The following EYS variants were observed in gnomAD, a reference collection of about 807,000 sequenced individuals.
The protein encoded by EYS is EGF-like photoreceptor maintenance factor.
In EYS, 250 loss-of-function variants were observed where a neutral mutation model predicts 282.1. The observed-to-expected ratio is 0.89, with a 90% CI of 0.80 to 0.98. EYS has a LOEUF of 0.98. Among genes scored for constraint, EYS ranks in the 50% least tolerant of loss-of-function variants. The probability of loss-of-function intolerance (pLI) is 0.00; values close to 1 mark genes in which losing one functional copy is unlikely to be tolerated. For missense variants in EYS, 4,016 were observed against 3,709.0 expected (o/e 1.08, Z -2.15); for synonymous variants, 1,355 against 1,282.9 (o/e 1.06, Z -1.20).
chr6:65,484,029 A>G (rs1765700682), intron 5 of EYS, among the ~76,000 whole-genome samples: 1 of 152,106 alleles, frequency 6.6e-6, no homozygotes, highest in Admixed American at 6.6e-5. Flanking sequence ...TTGGGTGGGG[A>G]CACAGTCAAG....
chr6:63,949,612 A>G (rs1369503163), intron 35 of EYS, among the ~76,000 whole-genome samples: 1 of 152,162 alleles, frequency 6.6e-6, no homozygotes, highest in Admixed American at 6.5e-5. Context: ...CCATTTGTAT[A>G]ACTGTCTGCT....
chr6:64,404,530 A>T (rs1269112570), intron 28 of EYS, among the ~76,000 whole-genome samples: 4 of 152,062 alleles, frequency 2.6e-5, no homozygotes, highest in Non-Finnish European at 4.4e-5. Context: ...TTTACTTTTT[A>T]TTTCTCAGAT....
chr6:64,794,624 G>A (rs779857216), intron 22 of EYS, among the ~76,000 whole-genome samples: 1 of 152,112 alleles, frequency 6.6e-6, no homozygotes, highest in Admixed American at 6.5e-5. Flanking sequence ...TCTCTGGTAT[G>A]TCTTCATAGT....
chr6:64,257,321 G>C (rs1767434415), intron 30 of EYS, among the ~76,000 whole-genome samples: 1 of 151,986 alleles, frequency 6.6e-6, no homozygotes, highest in African/African-American at 2.4e-5. Context: ...AAATGTCACT[G>C]TCCACAGAAT....
At chr6:63,823,661 G>T (rs1771381852) in intron 36 of EYS, among the ~76,000 whole-genome samples, 1 of 151,862 alleles carries the variant, frequency 6.6e-6, no homozygotes, top group Non-Finnish European at 1.5e-5. Flanking sequence ...TAATAACCAA[G>T]TTCTTTTATA....
chr6:64,635,998 G>A (rs1353167778), intron 22 of EYS, among the ~76,000 whole-genome samples: 1 of 151,908 alleles, frequency 6.6e-6, no homozygotes, highest in Non-Finnish European at 1.5e-5. Flanking sequence ...CCACAATTTT[G>A]GAGCCTGTTA....
chr6:65,112,003 T>C (rs1775226293), intron 12 of EYS, among the ~76,000 whole-genome samples: 1 of 152,128 alleles, frequency 6.6e-6, no homozygotes, highest in Non-Finnish European at 1.5e-5. Flanking sequence ...TCTTTTAACC[T>C]CCGCTTGAGA....
chr6:64,932,531 A>C (rs765435638), intron 15 of EYS, among the ~76,000 whole-genome samples: 2 of 152,030 alleles, frequency 1.3e-5, no homozygotes, highest in Non-Finnish European at 2.9e-5. Context: ...TGTACCTAGA[A>C]GTCTTTGAAA....
intron 26 of EYS, among the ~76,000 whole-genome samples, chr6:64,497,327 C>A (rs1286824982): frequency 6.6e-6 from 1 of 152,132 alleles, no homozygotes; most frequent in African/African-American, 2.4e-5. Context: ...AAGCATTCTG[C>A]ATTCAAAATA....
intron 8 of EYS, among the ~76,000 whole-genome samples, chr6:65,360,356 T>C (rs944293469): frequency 6.6e-5 from 10 of 151,940 alleles, no homozygotes; most frequent in African/African-American, 2.4e-4. Flanking sequence ...AAATCAATAG[T>C]AATTATATTA....
chr6:65,364,850 T>C (rs1019977539), intron 8 of EYS, among the ~76,000 whole-genome samples: 1 of 151,758 alleles, frequency 6.6e-6, no homozygotes, highest in Non-Finnish European at 1.5e-5. Flanking sequence ...ATGAAATGTG[T>C]TTCTTCAGAT....
intron 22 of EYS, among the ~76,000 whole-genome samples, chr6:64,720,745 G>A (rs1159864228): frequency 2.0e-5 from 3 of 152,080 alleles, no homozygotes; most frequent in Non-Finnish European, 4.4e-5. Context: ...TATTCCAGTT[G>A]TTCTACAAAC....
intron 9 of EYS, among the ~76,000 whole-genome samples, chr6:65,352,251 T>C (rs1168149239): frequency 6.6e-6 from 1 of 151,912 alleles, no homozygotes; most frequent in Non-Finnish European, 1.5e-5. Context: ...TGTGATGTAA[T>C]ACAATGTTAG....
chr6:64,388,658 T>A (rs1772990554), intron 29 of EYS, 32 bp downstream of exon 29: 1 of 1,406,636 alleles, frequency 7.1e-7, no homozygotes, highest in Non-Finnish European at 9.5e-7. Flanking sequence ...TTATTTTCAA[T>A]AATTAATATT....
At position 65,344,057 on chromosome 6, in the gene EYS, G is replaced by A; in HGVS notation, c.1580C>T (p.Pro527Leu). Residue 527 changes from proline (P) to leucine (L), a missense_variant, in exon 10 of 43, where the codon CCA becomes CTA. Transcript: ENST00000503581. ...CCTTACCTCTTTTGTGCCTTCATGT[G>A]GGAACCAACATGAAGAATTATTATC... ...PEDNNSSCWF[P>L]HEGTKEICAN... The A allele has an allele frequency of 6.2e-7, 1 of 1,609,996 alleles. No homozygotes were observed. The highest frequency in any genetic ancestry group is 1.1e-5 in the South Asian group (1 of 90,996).
intron 20 of EYS, 110 bp downstream of exon 20, chr6:64,822,541 A>G: frequency 1.1e-6 from 1 of 944,056 alleles, no homozygotes; most frequent in Non-Finnish European, 1.5e-6. Flanking sequence ...CTCTTGTTTT[A>G]TGAAAGAGCA....
chr6:64,972,770 T>G (rs916038893), intron 14 of EYS, among the ~76,000 whole-genome samples: 4 of 152,110 alleles, frequency 2.6e-5, no homozygotes, highest in African/African-American at 7.2e-5. Context: ...TTTACATAGA[T>G]TTTGACTATT....
chr6:64,990,337 T>C (rs960371300), intron 14 of EYS, among the ~76,000 whole-genome samples: 1 of 151,584 alleles, frequency 6.6e-6, no homozygotes, highest in African/African-American at 2.4e-5. Flanking sequence ...ATAAAATGTT[T>C]TCTAGGAAAA....
In EYS at chr6:63,737,475, T is replaced by C. The variant is rs1165154164; in HGVS notation, c.8072-10795A>G. On this transcript the variant is annotated intron_variant, in intron 41 of 42. Transcript: ENST00000503581. ...GGTGGATAAGCTTTTTGATGTGCTG[T>C]TGGATTTGGTTTTCCAGTATTTTAT... 3.3e-5 allele frequency among the ~76,000 whole-genome samples: 5 copies of C among 152,246 alleles called. No homozygotes were observed. In the East Asian group the frequency reaches 5.8e-4, roughly 18 times the overall value.
Sources: allele counts gnomAD v4.1 joint callset (sites outside exome capture counted in the v4.1 genomes callset), GRCh38; gene constraint gnomAD v4.1.1; transcripts MANE v1.5; gene names NCBI Gene and HGNC (gene_info 2026-07-23, HGNC 2026-07-21).